IMMP2L: variants seen among roughly 807,000 people sequenced by gnomAD.
IMMP2L encodes the protein inner mitochondrial membrane peptidase subunit 2, also known as mitochondrial inner membrane protease subunit 2.
In IMMP2L, 18 loss-of-function variants were observed where a neutral mutation model predicts 19.3. That is an observed-to-expected ratio of 0.93 (90% CI 0.64 to 1.38). IMMP2L has a LOEUF of 1.38. Ranked by LOEUF, IMMP2L falls within the 40% of genes most tolerant of loss-of-function variation. IMMP2L has a pLI of 0.00. For synonymous variants in IMMP2L, 76 were observed against 73.0 expected, an observed-to-expected ratio of 1.04 and a Z score of -0.21; for missense variants, 233 against 218.2, an observed-to-expected ratio of 1.07 and a Z score of -0.43.
chr7:111,439,994 C>A (rs900876668), intron 3 of IMMP2L, among the ~76,000 whole-genome samples: 1 of 151,892 alleles, frequency 6.6e-6, no homozygotes, highest in Non-Finnish European at 1.5e-5. Context: ...ATAAGAAGCA[C>A]CTCCTCATCC....
rs200837271 is a variant in IMMP2L, at chr7:111,078,721, T to TTTTA, written c.240-115160_240-115157dup. Among the ~76,000 whole-genome samples, 1,147 of 151,826 alleles carry TTTTA rather than the reference T, an allele frequency of 7.6e-3. 5 individuals carry two copies. Among genetic ancestry groups the TTTTA allele is most frequent in the Middle Eastern group, 0.031 (9 of 294 alleles). On this transcript the variant is annotated intron_variant, in intron 3 of 5. Transcript: ENST00000405709. Reference sequence around the variant, plus strand: ...ACAATAAAGCTGTGGTATTTTTTATTTTTATTTATTTATTTATTTATTTAT... The same window carrying TTTTA: ...ACAATAAAGCTGTGGTATTTTTTATTTTTATTTATTTATTTATTTATTTATTTAT...
intron 5 of IMMP2L, among the ~76,000 whole-genome samples, chr7:110,866,428 G>A (rs1454211207): frequency 6.6e-6 from 1 of 151,610 alleles, no homozygotes; most frequent in Admixed American, 6.6e-5. Flanking sequence ...AGAGATCAGA[G>A]AGGACAGGGT....
At chr7:111,182,054 T>C (rs1807767996) in intron 3 of IMMP2L, among the ~76,000 whole-genome samples, 1 of 150,540 alleles carries the variant, frequency 6.6e-6, no homozygotes, top group Admixed American at 6.6e-5. Flanking sequence ...TAAAAAGAGG[T>C]TTTAAAATGA....
chr7:111,322,600 T>A (rs1305114024), intron 3 of IMMP2L, among the ~76,000 whole-genome samples: 4 of 151,200 alleles, frequency 2.6e-5, no homozygotes, highest in African/African-American at 7.3e-5. Flanking sequence ...AACTGAATTT[T>A]AAAAAAAATT....
chr7:111,155,526 G>A (rs1157937473), intron 3 of IMMP2L, among the ~76,000 whole-genome samples: 1 of 152,032 alleles, frequency 6.6e-6, no homozygotes, highest in African/African-American at 2.4e-5. Flanking sequence ...CATTTGAAAT[G>A]CCAATGTGGT....
chr7:111,303,426 C>CA (rs1822481754), intron 3 of IMMP2L, among the ~76,000 whole-genome samples: 2 of 152,062 alleles, frequency 1.3e-5, no homozygotes, highest in Non-Finnish European at 2.9e-5. Flanking sequence ...TACATATACT[C>CA]ACAGTTTGGA....
At chr7:111,082,486 C>T (rs1177434897) in intron 3 of IMMP2L, among the ~76,000 whole-genome samples, 1 of 152,190 alleles carries the variant, frequency 6.6e-6, no homozygotes, top group African/African-American at 2.4e-5. Context: ...TCTTTCTCAG[C>T]TCCATAATGC....
At chr7:111,120,185 G>T (rs981863177) in intron 3 of IMMP2L, among the ~76,000 whole-genome samples, 1 of 152,044 alleles carries the variant, frequency 6.6e-6, no homozygotes, top group Non-Finnish European at 1.5e-5. Flanking sequence ...AAAATATCTA[G>T]GTCTTTGTGT....
At chr7:111,140,543 A>G (rs1438912318) in intron 3 of IMMP2L, among the ~76,000 whole-genome samples, 1 of 152,224 alleles carries the variant, frequency 6.6e-6, no homozygotes. Flanking sequence ...TGTTGAATAA[A>G]CTTTGTAAAA....
At chr7:111,147,927 G>A (rs765277799) in intron 3 of IMMP2L, among the ~76,000 whole-genome samples, 2 of 152,170 alleles carry the variant, frequency 1.3e-5, no homozygotes, top group Non-Finnish European at 2.9e-5. Context: ...TTAAATTGCT[G>A]CTTTGGGAAA....
chr7:110,927,569 G>A (rs1046436925), intron 4 of IMMP2L, among the ~76,000 whole-genome samples: 1 of 152,098 alleles, frequency 6.6e-6, no homozygotes, highest in African/African-American at 2.4e-5. Flanking sequence ...GAGATGGAAT[G>A]TCACTGGTTT....
chr7:110,691,132 T>C (rs1331200699), intron 5 of IMMP2L, among the ~76,000 whole-genome samples: 1 of 152,128 alleles, frequency 6.6e-6, no homozygotes, highest in Non-Finnish European at 1.5e-5. Flanking sequence ...CATAGACCAA[T>C]GGATCAGAAT....
chr7:111,281,148 CAGAAAGACAGAAAGAAAGAA>C (rs1441706092), intron 3 of IMMP2L, among the ~76,000 whole-genome samples: 615 of 55,270 alleles, frequency 0.011, 9 homozygotes, highest in Middle Eastern at 0.041. Context: ...GACAGAAAGA[CAGAAAGACAGAAAGAAAGAA>C]AGAAAGAAAG....
At chr7:110,887,616 A>G (rs1019752617) in intron 4 of IMMP2L, among the ~76,000 whole-genome samples, 5 of 152,036 alleles carry the variant, frequency 3.3e-5, no homozygotes, top group Admixed American at 6.6e-5. Flanking sequence ...TAATTTACCT[A>G]AATATTCAAC....
intron 1 of IMMP2L, among the ~76,000 whole-genome samples, chr7:111,545,402 A>C (rs1365598983): frequency 6.6e-6 from 1 of 151,900 alleles, no homozygotes; most frequent in Non-Finnish European, 1.5e-5. Flanking sequence ...AGATGTTCGG[A>C]GTTTTTTGAG....
chr7:111,428,172 C>T (rs1438931614), intron 3 of IMMP2L, among the ~76,000 whole-genome samples: 2 of 151,542 alleles, frequency 1.3e-5, no homozygotes, highest in African/African-American at 4.9e-5. Flanking sequence ...TTATTGTTCC[C>T]TTATATTGTA....
intron 3 of IMMP2L, among the ~76,000 whole-genome samples, chr7:111,111,408 C>G (rs920820700): frequency 4.6e-5 from 7 of 151,114 alleles, no homozygotes; most frequent in African/African-American, 1.7e-4. Flanking sequence ...TCCATCCCCC[C>G]CCAAAAAAAA....
At chr7:110,867,526 AT>A (rs2129543459) in intron 5 of IMMP2L, among the ~76,000 whole-genome samples, 1 of 152,230 alleles carries the variant, frequency 6.6e-6, no homozygotes, top group African/African-American at 2.4e-5. Context: ...TGTATGAACA[AT>A]AAAATGTCTT....
rs565133267 is a variant in IMMP2L, at chr7:111,508,232, A to G, written c.135+13081T>C. ...AAATAAAAATTTTAAAGATAACTAA[A>G]TAGTCTTAAAAGCAAATGACAAGCT... is the stretch of plus-strand genomic sequence containing the variant. On this transcript the variant is annotated intron_variant, in intron 2 of 5. Coordinates refer to ENST00000405709, the MANE Select transcript of IMMP2L (RefSeq NM_032549.4). Among the ~76,000 whole-genome samples the G allele has an allele frequency of 6.6e-5, 10 of 152,216 alleles. No individual in the cohort carries two copies. In the South Asian group the frequency reaches 2.1e-3, roughly 32 times the overall value.
Sources: gnomAD v4.1 joint callset for allele counts (sites outside exome capture counted in the v4.1 genomes callset) on GRCh38, gnomAD v4.1.1 for gene constraint, MANE v1.5 for transcripts, NCBI Gene and HGNC (gene_info 2026-07-23, HGNC 2026-07-21) for gene names.